HEXA: variants seen among roughly 807,000 people sequenced by gnomAD.
HEXA encodes hexosaminidase subunit alpha.
HEXA carries 54 observed loss-of-function variants against 73.3 expected under a neutral mutation model. That is an observed-to-expected ratio of 0.74 (90% confidence interval 0.59 to 0.92). The LOEUF (loss-of-function observed/expected upper bound fraction) is 0.92. HEXA is among the 40% of genes least tolerant of loss of function. HEXA has a pLI of 0.00. For synonymous variants in HEXA, 230 were observed against 246.9 expected (o/e 0.93, Z 0.64); for missense variants, 649 against 653.0 (o/e 0.99, Z 0.07).
At chr15:72,356,825 A>G in intron 1 of HEXA, 2 of 707,446 alleles carry the variant, frequency 2.8e-6, no homozygotes, top group Non-Finnish European at 4.9e-6. Context: ...AGCTGCCCTG[A>G]CCCATGTCTG....
chr15:72,352,251 C>T (rs1567298922), intron 5 of HEXA, among the ~76,000 whole-genome samples: 1 of 152,084 alleles, frequency 6.6e-6, no homozygotes, highest in Non-Finnish European at 1.5e-5. Flanking sequence ...AGCCACTGCA[C>T]CTGGCCCCAA....
rs749828204 is a variant in HEXA, at chr15:72,347,746, G to A, written c.1086C>T (p.Ile362=). The A allele has an allele frequency of 8.7e-6, 14 of 1,613,998 alleles. No homozygotes were observed. The highest frequency in any genetic ancestry group is 6.6e-5 in the South Asian group (6 of 91,084). ...CATAGCCCTTGCCATAAGAAGAGAC[G>A]ATGTCCAGCAGCCTGGAGAGGAGAG... ...ESFYIQTLLD[I]VSSYGKGYVV... is the part of the protein sequence containing the mutation. Residue 362 remains isoleucine, a synonymous_variant, in exon 10 of 14, where the codon ATC becomes ATT. Transcript: ENST00000268097.
intron 1 of HEXA, chr15:72,362,601 T>G (rs2088865449): frequency 7.3e-6 from 3 of 409,196 alleles, no homozygotes; most frequent in African/African-American, 6.1e-5. Flanking sequence ...TCTGAAATCC[T>G]GAGACTGGGG....
At chr15:72,374,008 CA>C (rs550464062) in intron 1 of HEXA, among the ~76,000 whole-genome samples, 162 of 68,196 alleles carry the variant, frequency 2.4e-3, no homozygotes, top group Admixed American at 3.2e-3. Context: ...GACTCCGTCT[CA>C]AAAAAAAAAA....
intron 1 of HEXA, among the ~76,000 whole-genome samples, chr15:72,367,184 C>T (rs2088928810): frequency 6.6e-6 from 1 of 152,154 alleles, no homozygotes; most frequent in Non-Finnish European, 1.5e-5. Flanking sequence ...CTCAGGTAAT[C>T]CACCTGCCTC....
chr15:72,346,821 G>A, intron 10 of HEXA, 111 bp from the exon 11 acceptor site: 1 of 999,980 alleles, frequency 1.0e-6, no homozygotes, highest in Non-Finnish European at 1.6e-6. Flanking sequence ...CTGTTCCCCA[G>A]CAGCAAAGTA....
intron 10 of HEXA, among the ~76,000 whole-genome samples, chr15:72,347,327 C>A (rs951053024): frequency 2.7e-5 from 4 of 150,812 alleles, no homozygotes; most frequent in African/African-American, 7.3e-5. Context: ...GGGTTGAGTG[C>A]AGAGGCACAT....
chr15:72,366,314 T>G (rs574146966), intron 1 of HEXA, among the ~76,000 whole-genome samples: 17 of 151,830 alleles, frequency 1.1e-4, no homozygotes, highest in Non-Finnish European at 2.1e-4. Context: ...TCACTTAATT[T>G]TTTTTTTTTT....
chr15:72,362,735 T>C (rs970601884), intron 1 of HEXA, among the ~76,000 whole-genome samples: 1 of 152,020 alleles, frequency 6.6e-6, no homozygotes, highest in Non-Finnish European at 1.5e-5. Flanking sequence ...GAAGAACTCG[T>C]TGCTGTATTA....
intron 5 of HEXA, among the ~76,000 whole-genome samples, chr15:72,352,025 C>T (rs1367279205): frequency 6.6e-6 from 1 of 152,056 alleles, no homozygotes; most frequent in African/African-American, 2.4e-5. Context: ...GGTGCAATCA[C>T]AGTTCATGCA....
intron 1 of HEXA, among the ~76,000 whole-genome samples, chr15:72,364,026 T>C (rs552098569): frequency 1.8e-4 from 28 of 152,166 alleles, no homozygotes; most frequent in Admixed American, 6.5e-4. Flanking sequence ...CTGAGGCAGG[T>C]GGATCACTTG....
intron 3 of HEXA, chr15:72,355,005 G>T: frequency 6.4e-6 from 1 of 155,592 alleles, no homozygotes; most frequent in Non-Finnish European, 1.4e-5. Context: ...CCAATTACAT[G>T]TCTTTAGCAA....
intron 1 of HEXA, among the ~76,000 whole-genome samples, chr15:72,367,829 C>T (rs977101799): frequency 6.6e-6 from 1 of 152,178 alleles, no homozygotes; most frequent in East Asian, 1.9e-4. Context: ...ACTATCTTCA[C>T]CCCCACTAAC....
chr15:72,345,337 G>T (rs942097828), intron 13 of HEXA, 109 bp downstream of exon 13: 1 of 1,549,962 alleles, frequency 6.5e-7, no homozygotes, highest in Non-Finnish European at 8.7e-7. Flanking sequence ...CTGACTATAA[G>T]CCTCTGTAAG....
At chr15:72,358,245 T>C (rs2140330208) in intron 1 of HEXA, 1 of 152,268 alleles carries the variant, frequency 6.6e-6, no homozygotes, top group South Asian at 2.1e-4. Flanking sequence ...TGTGGAGAAT[T>C]CATCTGCATA....
At chr15:72,347,944 G>A (rs1228492782) in intron 9 of HEXA, 104 bp downstream of exon 9, 5 of 993,816 alleles carry the variant, frequency 5.0e-6, no homozygotes, top group South Asian at 2.7e-5. Flanking sequence ...AGGGAACCCT[G>A]CAGGGACCAG....
intron 1 of HEXA, chr15:72,358,732 G>A (rs1279726976): frequency 6.6e-6 from 1 of 152,184 alleles, no homozygotes; most frequent in Non-Finnish European, 1.5e-5. Context: ...ACGGGGGCAT[G>A]GCTGCTGTTT....
In HEXA at chr15:72,346,046, G is replaced by C. The variant is rs74020947; in HGVS notation, c.1421+189C>G. ...CCACATACCAAAGGGCAGCTGGAGG[G>C]ATATAGACGGAAGTCATGTGGAGAG... On this transcript the variant is annotated intron_variant, in intron 12 of 13. Coordinates refer to ENST00000268097, the MANE Select transcript of HEXA (RefSeq NM_000520.6). 424 of 627,374 alleles carry C rather than the reference G, an allele frequency of 6.8e-4. 1 individual carries two copies. The African/African-American group carries it at 6.8e-3, about 10-fold the overall frequency. The allele number at this position is 627,374 out of a possible 1,614,324, so 38.9% of individuals were successfully genotyped here.
At chr15:72,355,847 C>G in intron 2 of HEXA, 1 of 599,862 alleles carries the variant, frequency 1.7e-6, no homozygotes, top group South Asian at 1.6e-5. Context: ...CTCTGTAGAC[C>G]CTGGATGATG....
Sources: gnomAD v4.1 joint callset for allele counts (sites outside exome capture counted in the v4.1 genomes callset) on GRCh38, gnomAD v4.1.1 for gene constraint, MANE v1.5 for transcripts, NCBI Gene and HGNC (gene_info 2026-07-23, HGNC 2026-07-21) for gene names.